The following ERBB4 variants were observed in gnomAD, a reference collection of about 807,000 sequenced individuals.
ERBB4 encodes erb-b2 receptor tyrosine kinase 4, also known as receptor tyrosine-protein kinase erbB-4.
ERBB4 carries 42 observed loss-of-function variants against 158.0 expected under a neutral mutation model. The observed-to-expected ratio is 0.27, with a 90% CI of 0.21 to 0.34. The LOEUF is 0.34. Among genes scored for constraint, ERBB4 ranks in the 10% least tolerant of loss-of-function variants. The pLI is 1.00. For missense variants in ERBB4, 1,333 were observed against 1,624.1 expected (o/e 0.82, Z 3.08); for synonymous variants, 583 against 558.7 (o/e 1.04, Z -0.61).
At chr2:212,391,577 A>T (rs2090855908) in intron 1 of ERBB4, among the ~76,000 whole-genome samples, 1 of 148,448 alleles carries the variant, frequency 6.7e-6, no homozygotes, top group South Asian at 2.1e-4. Context: ...AAAATTATGG[A>T]TTCTTCAAAG....
intron 1 of ERBB4, among the ~76,000 whole-genome samples, chr2:212,244,317 C>T (rs947126894): frequency 2.2e-4 from 34 of 152,054 alleles, no homozygotes; most frequent in Non-Finnish European, 1.5e-5. Context: ...GGAAGTCTAG[C>T]CAAAAGACTG....
chr2:212,013,720 G>T (rs73083311), intron 2 of ERBB4, among the ~76,000 whole-genome samples: 6 of 152,122 alleles, frequency 3.9e-5, no homozygotes, highest in African/African-American at 1.4e-4. Context: ...GCTAGAAGAG[G>T]CAAGGTTTCT....
At chr2:211,476,323 G>A (rs969623705) in intron 20 of ERBB4, among the ~76,000 whole-genome samples, 1 of 152,114 alleles carries the variant, frequency 6.6e-6, no homozygotes, top group East Asian at 1.9e-4. Flanking sequence ...GATAGACATT[G>A]AGTGCTCAAT....
At chr2:212,527,467 T>C (rs56021078) in intron 1 of ERBB4, among the ~76,000 whole-genome samples, 18 of 152,174 alleles carry the variant, frequency 1.2e-4, no homozygotes, top group Non-Finnish European at 2.1e-4. Flanking sequence ...AAAAAAATTG[T>C]ATAATGACAC....
At chr2:211,926,015 C>T (rs942680125) in intron 3 of ERBB4, among the ~76,000 whole-genome samples, 1 of 151,936 alleles carries the variant, frequency 6.6e-6, no homozygotes, top group Admixed American at 6.6e-5. Flanking sequence ...AAGGCAAAGG[C>T]CCAAGAAAAT....
At chr2:212,425,771 C>G (rs1201101858) in intron 1 of ERBB4, among the ~76,000 whole-genome samples, 1 of 151,890 alleles carries the variant, frequency 6.6e-6, no homozygotes, top group Admixed American at 6.6e-5. Context: ...AAATCACTGT[C>G]CTTGCTTCAT....
At chr2:212,496,340 G>A (rs1455261925) in intron 1 of ERBB4, among the ~76,000 whole-genome samples, 1 of 150,980 alleles carries the variant, frequency 6.6e-6, no homozygotes, top group Admixed American at 6.6e-5. Context: ...TCATGTGCAC[G>A]TGCATGCATA....
intron 20 of ERBB4, among the ~76,000 whole-genome samples, chr2:211,478,912 G>T (rs1454801408): frequency 6.6e-6 from 1 of 152,136 alleles, no homozygotes; most frequent in African/African-American, 2.4e-5. Flanking sequence ...GGATGGTAAT[G>T]TAAGGCTTCT....
chr2:211,579,569 C>T (rs1282597447), intron 19 of ERBB4, among the ~76,000 whole-genome samples: 10 of 152,084 alleles, frequency 6.6e-5, no homozygotes, highest in Admixed American at 6.5e-5. Flanking sequence ...CAATGATAGA[C>T]TGGATAAAGA....
chr2:212,417,344 T>C (rs2091680451), intron 1 of ERBB4, among the ~76,000 whole-genome samples: 1 of 151,990 alleles, frequency 6.6e-6, no homozygotes, highest in African/African-American at 2.4e-5. Context: ...AAGAACTAAA[T>C]AGTGATCAGA....
At chr2:212,373,919 A>ATATATATATCCATGTATATATC (rs1158693496) in intron 1 of ERBB4, among the ~76,000 whole-genome samples, 12 of 78,696 alleles carry the variant, frequency 1.5e-4, no homozygotes, top group African/African-American at 6.9e-4. Context: ...ATATATCCAT[A>ATATATATATCCATGTATATATC]TATATATATC....
chr2:212,224,526 C>T (rs1001701253), intron 1 of ERBB4, among the ~76,000 whole-genome samples: 1 of 151,866 alleles, frequency 6.6e-6, no homozygotes, highest in Admixed American at 6.6e-5. Flanking sequence ...GAGGGAAAAA[C>T]GTATTGCTCT....
At chr2:212,198,431 A>G (rs1445965622) in intron 1 of ERBB4, among the ~76,000 whole-genome samples, 1 of 152,180 alleles carries the variant, frequency 6.6e-6, no homozygotes, top group Admixed American at 6.5e-5. Context: ...ATGTGACTAG[A>G]CTATTCCAGG....
intron 2 of ERBB4, among the ~76,000 whole-genome samples, chr2:212,101,771 C>T (rs1227478647): frequency 1.3e-5 from 2 of 151,838 alleles, no homozygotes; most frequent in Non-Finnish European, 2.9e-5. Flanking sequence ...CATAGTCTTT[C>T]AATAAATATA....
At chr2:211,574,005 A>G (rs2067819070) in intron 19 of ERBB4, among the ~76,000 whole-genome samples, 1 of 152,252 alleles carries the variant, frequency 6.6e-6, no homozygotes, top group African/African-American at 2.4e-5. Context: ...TAATTGCTAA[A>G]TGATACAGTA....
At chr2:212,434,479 C>A (rs566925985) in intron 1 of ERBB4, among the ~76,000 whole-genome samples, 22 of 151,778 alleles carry the variant, frequency 1.4e-4, no homozygotes, top group African/African-American at 5.3e-4. Flanking sequence ...ATATTTTTCT[C>A]ACATAGACTC....
chr2:212,116,483 T>C (rs1384839786), intron 2 of ERBB4, among the ~76,000 whole-genome samples: 1 of 152,218 alleles, frequency 6.6e-6, no homozygotes, highest in East Asian at 1.9e-4. Context: ...GGTTTTCCTC[T>C]GTCACACAGG....
At chr2:211,878,670 T>TTTTTC (rs1553653644) in intron 3 of ERBB4, among the ~76,000 whole-genome samples, 1 of 150,238 alleles carries the variant, frequency 6.7e-6, no homozygotes, top group Non-Finnish European at 1.5e-5. Context: ...TTTTTTTTTT[T>TTTTTC]CCTTGAGATG....
intron 25 of ERBB4, among the ~76,000 whole-genome samples, chr2:211,404,823 A>G (rs894291201): frequency 3.9e-5 from 6 of 152,132 alleles, no homozygotes; most frequent in African/African-American, 1.4e-4. Flanking sequence ...TGTACTTTCT[A>G]TGAAGTGACC....
Sources: gnomAD v4.1 joint callset for allele counts (sites outside exome capture counted in the v4.1 genomes callset) on GRCh38, gnomAD v4.1.1 for gene constraint, MANE v1.5 for transcripts, NCBI Gene and HGNC (gene_info 2026-07-23, HGNC 2026-07-21) for gene names.